Variants in PTH1R observed in about 807,000 individuals in gnomAD.
PTH1R encodes the protein parathyroid hormone 1 receptor.
Under a neutral mutation model 70.7 loss-of-function variants are expected in PTH1R, and 32 were observed. The ratio of observed to expected loss-of-function variants is 0.45; its 90% CI spans 0.34 to 0.61. The LOEUF (loss-of-function observed/expected upper bound fraction) is 0.61. Among genes scored for constraint, PTH1R ranks in the 20% least tolerant of loss-of-function variants. PTH1R has a pLI of 0.01. For missense variants in PTH1R, 626 were observed against 792.5 expected, an observed-to-expected ratio of 0.79 and a Z score of 2.52; for synonymous variants, 329 against 324.8, an observed-to-expected ratio of 1.01 and a Z score of -0.14.
rs756013791 is a variant in PTH1R at position 46,883,565 on chromosome 3, G to T, written c.6G>T (p.Gly2=). ...CGCGGCCCTAGGCGGTGGCGATGGGGACCGCCCGGATCGCACCCGGCCTGG... is the reference window on the plus strand; with the variant it reads ...CGCGGCCCTAGGCGGTGGCGATGGGTACCGCCCGGATCGCACCCGGCCTGG... The part of the protein sequence containing the change: M[G]TARIAPGLAL... The change falls in exon 3 of 16, where the codon GGG becomes GGT. Residue 2 remains glycine, a synonymous_variant. Coordinates refer to ENST00000449590, the MANE Select transcript of PTH1R (RefSeq NM_000316.3). This position sits in a 1 kb window ranked among gnomAD's most constrained non-coding sequence, Gnocchi z 6.4. 1 of 1,536,826 alleles carries T rather than the reference G, an allele frequency of 6.5e-7. No homozygotes were observed. The highest frequency in any genetic ancestry group is 1.2e-5 in the South Asian group (1 of 83,882).
At chr3:46,887,037 G>A (rs913996360) in intron 3 of PTH1R, among the ~76,000 whole-genome samples, 34 of 152,026 alleles carry the variant, frequency 2.2e-4, no homozygotes, top group Admixed American at 1.4e-3. Context: ...CCAGGAGTTC[G>A]AGACCAGCCT....
chr3:46,890,945 A>C (rs1242027168), intron 3 of PTH1R, among the ~76,000 whole-genome samples: 1 of 152,180 alleles, frequency 6.6e-6, no homozygotes, highest in Non-Finnish European at 1.5e-5. Flanking sequence ...AGAGGAGGGC[A>C]CAGCTGGAGG....
chr3:46,878,186 G>A (rs1360156787), intron 1 of PTH1R, among the ~76,000 whole-genome samples: 1 of 152,214 alleles, frequency 6.6e-6, no homozygotes, highest in African/African-American at 2.4e-5. Context: ...CAAGGGAAGG[G>A]GGCTACCCAG....
chr3:46,902,299 G>T lies in PTH1R; in HGVS notation c.1212-227G>T, dbSNP rs2032173178. 1.3e-5 allele frequency among the ~76,000 whole-genome samples: 2 copies of T among 152,178 alleles called. No homozygotes were observed. The highest frequency in any genetic ancestry group is 4.8e-5 in the African/African-American group (2 of 41,434). On this transcript the variant is annotated intron_variant, in intron 13 of 15. Transcript: ENST00000449590. The surrounding 1 kb of genome is among the most constrained non-coding windows in gnomAD (Gnocchi z 5.4). ...GGTGCGAAGGGCCCAGGGACAGGGG[G>T]ACTGTCATTTGAAGTCCGCTCCGGG...
Position 46,879,738 on chromosome 3 carries a change from C to A in PTH1R, c.-105-1324C>A, listed in dbSNP as rs1261769850. ...CTCCAGCCTGGGTGACACAGCAAGA[C>A]CCTGTCTGGGGAAAAAAAAAATGCT... is the stretch of plus-strand genomic sequence containing the variant. On this transcript the variant is annotated intron_variant, in intron 1 of 15. Coordinates refer to ENST00000449590, the MANE Select transcript of PTH1R (RefSeq NM_000316.3). This position sits in a 1 kb window ranked among gnomAD's most constrained non-coding sequence, Gnocchi z 4.7. Among the ~76,000 whole-genome samples the A allele has an allele frequency of 6.7e-6, 1 of 149,820 alleles. No homozygotes were observed.
In PTH1R at chr3:46,901,569, C is replaced by G; in HGVS notation, c.1116+89C>G. The G allele has an allele frequency of 6.8e-7, 1 of 1,462,170 alleles. No individual in the cohort carries two copies. The highest frequency in any genetic ancestry group is 9.4e-7 in the Non-Finnish European group (1 of 1,069,118). The allele number at this position is 1,462,170 out of a possible 1,614,324, so 90.6% of individuals were successfully genotyped here. On this transcript the variant is annotated intron_variant, in intron 12 of 15. Coordinates refer to ENST00000449590, the MANE Select transcript of PTH1R (RefSeq NM_000316.3). The surrounding 1 kb of genome is among the most constrained non-coding windows in gnomAD (Gnocchi z 7.3). ...CAGCCCCTGACAGGGACCTAGGAGG[C>G]TTCCCTGGACCCCAGTGTCAGAGCT...
At position 46,883,264 on chromosome 3, in the gene PTH1R, G is replaced by C. The variant is rs2030759182; in HGVS notation, c.-48-248G>C. On this transcript the variant is annotated intron_variant, in intron 2 of 15. Coordinates refer to ENST00000449590, the MANE Select transcript of PTH1R (RefSeq NM_000316.3). This position sits in a 1 kb window ranked among gnomAD's most constrained non-coding sequence, Gnocchi z 6.4. ...GTGATTTCTTCGCTCCGAGGCAGACGGGCCGCTCCGCAGCGCTCGGCGCCC... is the reference window on the plus strand; with the variant it reads ...GTGATTTCTTCGCTCCGAGGCAGACCGGCCGCTCCGCAGCGCTCGGCGCCC... The C allele has an allele frequency of 3.8e-6, 1 of 262,530 alleles. No homozygotes were observed. The highest frequency in any genetic ancestry group is 1.7e-4 in the South Asian group (1 of 5,926). The allele number at this position is 262,530 out of a possible 1,614,324, so 16.3% of individuals were successfully genotyped here. A position where few individuals can be genotyped will look rare whatever the true frequency, so the allele number is the denominator to read the frequency against.
Position 46,901,056 on chromosome 3 carries a change from C to T in PTH1R, c.1020C>T (p.Val340=). ...CCGCTGTCTTCGTGGCTGTGTGGGT[C>T]AGTGTCAGAGCTACCCTGGCCAACA... ...GLPAVFVAVW[V]SVRATLANTG... Residue 340 remains valine, a synonymous_variant, in exon 11 of 16, where the codon GTC becomes GTT. Coordinates refer to ENST00000449590, the MANE Select transcript of PTH1R (RefSeq NM_000316.3). The surrounding 1 kb of genome is among the most constrained non-coding windows in gnomAD (Gnocchi z 7.3). 1 of 1,584,354 alleles carries T rather than the reference C, an allele frequency of 6.3e-7. No homozygotes were observed.
chr3:46,901,639 G>A lies in PTH1R; in HGVS notation c.1117-127G>A. The stretch of plus-strand genomic sequence containing the variant: ...CTGATCCACACTCCAGCCCAGAAAG[G>A]AAAACCAAGGGCTCAAGGAGCCACC... On this transcript the variant is annotated intron_variant, in intron 12 of 15. Transcript: ENST00000449590. This position sits in a 1 kb window ranked among gnomAD's most constrained non-coding sequence, Gnocchi z 7.3. 1 of 1,373,598 alleles carries A rather than the reference G, an allele frequency of 7.3e-7. No individual in the cohort carries two copies. Among genetic ancestry groups the A allele is most frequent in the South Asian group, 1.2e-5 (1 of 80,808 alleles). The allele number at this position is 1,373,598 out of a possible 1,614,324, so 85.1% of individuals were successfully genotyped here. A position where few individuals can be genotyped will look rare whatever the true frequency, so the allele number is the denominator to read the frequency against.
In PTH1R at chr3:46,898,387, G is replaced by T; in HGVS notation, c.553G>T (p.Asp185Tyr). 3 of 1,613,804 alleles carry T rather than the reference G, an allele frequency of 1.9e-6. No homozygotes were observed. Among genetic ancestry groups the T allele is most frequent in the Non-Finnish European group, 2.5e-6 (3 of 1,179,930 alleles). ...CCCCCGCCCCGCACAGGAGGTGTTT[G>T]ACCGCCTGGGCATGATTTACACCGT... ...TNETREREVF[D>Y]RLGMIYTVGY... is the part of the protein sequence containing the mutation. The change falls in exon 8 of 16, where the codon GAC becomes TAC. Residue 185 changes from aspartate (D) to tyrosine (Y), a missense_variant. Asp to Tyr is a radical substitution (Grantham distance 160). Transcript: ENST00000449590.
rs1176539492 is a variant in PTH1R at position 46,891,614 on chromosome 3, C to T, written c.76-2293C>T. 2.6e-5 allele frequency among the ~76,000 whole-genome samples: 4 copies of T among 152,128 alleles called. No homozygotes were observed. Among genetic ancestry groups the T allele is most frequent in the Non-Finnish European group, 4.4e-5 (3 of 68,036 alleles). On this transcript the variant is annotated intron_variant, in intron 3 of 15. Coordinates refer to ENST00000449590, the MANE Select transcript of PTH1R (RefSeq NM_000316.3). This position sits in a 1 kb window ranked among gnomAD's most constrained non-coding sequence, Gnocchi z 4.3. ...GAAGGATAGTGGGGAGGGGGTAAGA[C>T]AACAAGATGGCAAAGGCAGTGTAGA...
At position 46,897,921 on chromosome 3, in the gene PTH1R, T is replaced by C. The variant is rs1161896201; in HGVS notation, c.380T>C (p.Val127Ala). ...CCGCTGGGGGCACCAGGTGAGGTGG[T>C]GGCTGTGCCCTGTCCGGACTACATT... ...CWPLGAPGEV[V>A]AVPCPDYIYD... The change falls in exon 6 of 16, where the codon GTG (valine) becomes GCG (alanine). Residue 127 changes from valine to alanine, a missense_variant. Coordinates refer to ENST00000449590, the MANE Select transcript of PTH1R (RefSeq NM_000316.3). 1 of 1,614,054 alleles carries C rather than the reference T, an allele frequency of 6.2e-7. No homozygotes were observed. Among genetic ancestry groups the C allele is most frequent in the East Asian group, 2.2e-5 (1 of 44,864 alleles).
Position 46,898,341 on chromosome 3 carries a change from C to G in PTH1R, c.544-37C>G, listed in dbSNP as rs1219339632. 3 of 1,604,638 alleles carry G rather than the reference C, an allele frequency of 1.9e-6. No individual in the cohort carries two copies. In the Admixed American group the frequency reaches 5.0e-5, roughly 27 times the overall value. The stretch of plus-strand genomic sequence containing the variant: ...CTTACCCTGATGCTCTCCCTGGGTC[C>G]CAGGGCTCTGACTGTGTCTCCCCCC... On this transcript the variant is annotated intron_variant, in intron 7 of 15. Transcript: ENST00000449590.
intron 3 of PTH1R, among the ~76,000 whole-genome samples, chr3:46,889,329 G>A (rs753152886): frequency 6.6e-5 from 10 of 152,336 alleles, no homozygotes; most frequent in Admixed American, 1.3e-4. Context: ...AATCGGCTTC[G>A]GGGAGGCTGC....
rs2031889043 is a variant in PTH1R, at chr3:46,898,407, C to T, written c.573C>T (p.Tyr191=). ...REVFDRLGMI[Y]TVGYSVSLAS... Reference sequence around the variant, plus strand: ...TGTTTGACCGCCTGGGCATGATTTACACCGTGGGCTACTCCGTGTCCCTGG... The same window carrying T: ...TGTTTGACCGCCTGGGCATGATTTATACCGTGGGCTACTCCGTGTCCCTGG... The change falls in exon 8 of 16, where the codon TAC becomes TAT. Residue 191 remains tyrosine (Y), a synonymous_variant. Transcript: ENST00000449590. The T allele has an allele frequency of 1.9e-6, 3 of 1,613,962 alleles. No homozygotes were observed. The highest frequency in any genetic ancestry group is 2.5e-6 in the Non-Finnish European group (3 of 1,180,020).
In PTH1R at chr3:46,898,856, A is replaced by G; in HGVS notation, c.833A>G (p.Tyr278Cys). ...CCGCCTGCCACCGCCGCTGCCGGCT[A>G]CGTGAGTACCCCTCTGCCCGCCCGC... is the stretch of plus-strand genomic sequence containing the variant. ...PPPPATAAAG[Y>C]AGCRVAVTFF... The change falls in exon 9 of 16, where the codon TAC becomes TGC. Residue 278 changes from tyrosine (Y) to cysteine (C), a missense_variant and splice_region_variant. Physicochemically the swap from Tyr to Cys is radical, Grantham distance 194. Transcript: ENST00000449590. 6.5e-7 allele frequency: 1 copy of G among 1,535,966 alleles called. No individual in the cohort carries two copies. Among genetic ancestry groups the G allele is most frequent in the East Asian group, 2.4e-5 (1 of 40,888 alleles).
At chr3:46,878,239 G>A (rs77161815) in intron 1 of PTH1R, among the ~76,000 whole-genome samples, 6 of 152,350 alleles carry the variant, frequency 3.9e-5, no homozygotes, top group South Asian at 2.1e-4. Context: ...TGGGTGTCAG[G>A]GGGTGTTTAT....
At position 46,901,293 on chromosome 3, in the gene PTH1R, C is replaced by T; in HGVS notation, c.1050-121C>T. On this transcript the variant is annotated intron_variant, in intron 11 of 15. Transcript: ENST00000449590. This position sits in a 1 kb window ranked among gnomAD's most constrained non-coding sequence, Gnocchi z 7.3. ...GAGGGAGGCCTCAGGCCTGGCCACA[C>T]CCAGCACCCCTGCCCTGTGTCCTCA... is the stretch of plus-strand genomic sequence containing the variant. The T allele has an allele frequency of 2.2e-6, 3 of 1,365,972 alleles. No homozygotes were observed. The highest frequency in any genetic ancestry group is 2.0e-6 in the Non-Finnish European group (2 of 983,506). 84.6% of individuals were successfully genotyped at this position (1,365,972 alleles called of 1,614,324 possible). A position where few individuals can be genotyped will look rare whatever the true frequency, so the allele number is the denominator to read the frequency against.
Position 46,902,459 on chromosome 3 carries a change from G to C in PTH1R, c.1212-67G>C, listed in dbSNP as rs987732935. The C allele has an allele frequency of 1.7e-5, 27 of 1,588,918 alleles. No individual in the cohort carries two copies. The African/African-American group carries it at 3.5e-4, about 21-fold the overall frequency. The stretch of plus-strand genomic sequence containing the variant: ...TCCGGAGCCTGGGGCTCGCAGGGTG[G>C]GGGGTGGCACAATGCTTGTTGAAGG... On this transcript the variant is annotated intron_variant, in intron 13 of 15. Transcript: ENST00000449590. The surrounding 1 kb of genome is among the most constrained non-coding windows in gnomAD (Gnocchi z 5.4).
Sources: gnomAD v4.1 joint callset for allele counts (sites outside exome capture counted in the v4.1 genomes callset) on GRCh38, gnomAD v4.1.1 for gene constraint, Gnocchi (gnomAD v3.1) non-coding constraint, MANE v1.5 for transcripts, NCBI Gene and HGNC (gene_info 2026-07-23, HGNC 2026-07-21) for gene names.